The following TLE3 variants were observed in gnomAD, a reference collection of about 807,000 sequenced individuals.
TLE3 encodes the protein TLE family member 3, transcriptional corepressor, also known as transducin-like enhancer protein 3.
Under a neutral mutation model 93.0 loss-of-function variants are expected in TLE3, and 14 were observed. That is an observed-to-expected ratio of 0.15 (90% CI 0.10 to 0.24). The LOEUF (loss-of-function observed/expected upper bound fraction) is 0.24. Ranked by LOEUF, TLE3 falls within the 10% of genes least tolerant of loss-of-function variation. The pLI, the probability that TLE3 is intolerant of heterozygous loss-of-function variation, is 1.00. For synonymous variants in TLE3, 451 were observed against 425.0 expected, an observed-to-expected ratio of 1.06 and a Z score of -0.75; for missense variants, 693 against 1,046.6, an observed-to-expected ratio of 0.66 and a Z score of 4.66.
Position 70,097,035 on chromosome 15 carries a change from C to CG in TLE3, c.-238dup, listed in dbSNP as rs2058601805. The CG allele has an allele frequency of 3.5e-6, 2 of 566,616 alleles. No homozygotes were observed. Among genetic ancestry groups the CG allele is most frequent in the Non-Finnish European group, 6.1e-6 (2 of 329,628 alleles). 35.1% of individuals were successfully genotyped at this position (566,616 alleles called of 1,614,324 possible). A position where few individuals can be genotyped will look rare whatever the true frequency, so the allele number is the denominator to read the frequency against. On this transcript the variant is annotated 5_prime_UTR_variant, in exon 1 of 20. Transcript: ENST00000451782. ...GTCGGCGGGCGCCGGGGCCGGGCGG[C>CG]GGGCGCGGGCTTTGTGCGCCTAGGG...
At chr15:70,089,542 T>C (rs2058202011) in intron 4 of TLE3, among the ~76,000 whole-genome samples, 1 of 152,194 alleles carries the variant, frequency 6.6e-6, no homozygotes, top group East Asian at 1.9e-4. Context: ...GCTCAGGGAA[T>C]CGGAACTCTA....
In TLE3 at chr15:70,097,767, ACACACACACCC is replaced by A; in HGVS notation, c.-980_-970del. On this transcript the variant is annotated 5_prime_UTR_variant, in exon 1 of 20. Transcript: ENST00000451782. ...CTCCGCGCCCCGGCAAACCCCCAAAACACACACACCCAACACACACACACGCGCGCACGCAC... is the reference window on the plus strand; with the variant it reads ...CTCCGCGCCCCGGCAAACCCCCAAAAAACACACACACACGCGCGCACGCAC... The A allele has an allele frequency of 2.6e-6, 1 of 389,478 alleles. No homozygotes were observed. Among genetic ancestry groups the A allele is most frequent in the Non-Finnish European group, 4.5e-6 (1 of 220,692 alleles). The allele number at this position is 389,478 out of a possible 1,614,324, so 24.1% of individuals were successfully genotyped here. A position where few individuals can be genotyped will look rare whatever the true frequency, so the allele number is the denominator to read the frequency against.
chr15:70,061,013 A>G (rs1382837701), intron 8 of TLE3, among the ~76,000 whole-genome samples: 1 of 152,142 alleles, frequency 6.6e-6, no homozygotes, highest in African/African-American at 2.4e-5. Flanking sequence ...TGCCACACTC[A>G]TTTGCTCAAA....
At chr15:70,052,986 A>T in intron 17 of TLE3, 10 of 502,284 alleles carry the variant, frequency 2.0e-5, no homozygotes, top group South Asian at 1.5e-4. Flanking sequence ...AAAGTGCTCA[A>T]TAGCAGCAGA....
At chr15:70,084,987 G>A (rs2057976722) in intron 4 of TLE3, among the ~76,000 whole-genome samples, 1 of 152,130 alleles carries the variant, frequency 6.6e-6, no homozygotes, top group Non-Finnish European at 1.5e-5. Flanking sequence ...AGCCACCCGT[G>A]GCTAGCTAAA....
rs369978895 is a variant in TLE3, at chr15:70,049,808, G to A, written c.*289C>T. ...GAGACTCATGAGCGGGTCTGTGGGG[G>A]AACCGGAGCCATAAGCCTCCAATAA... On this transcript the variant is annotated 3_prime_UTR_variant, in exon 20 of 20. Coordinates refer to ENST00000451782, the MANE Select transcript of TLE3 (RefSeq NM_001105192.3). 8 of 324,988 alleles carry A rather than the reference G, an allele frequency of 2.5e-5. No homozygotes were observed. Among genetic ancestry groups the A allele is most frequent in the South Asian group, 2.4e-4 (6 of 24,560 alleles). 20.1% of individuals were successfully genotyped at this position (324,988 alleles called of 1,614,324 possible).
intron 8 of TLE3, 69 bp downstream of exon 8, chr15:70,064,384 TG>T: frequency 6.3e-7 from 1 of 1,598,172 alleles, no homozygotes; most frequent in Non-Finnish European, 8.6e-7. Flanking sequence ...CCCGCGATTC[TG>T]GGAGCCCCGA....
At chr15:70,093,796 C>T (rs1011000043) in intron 4 of TLE3, among the ~76,000 whole-genome samples, 3 of 152,210 alleles carry the variant, frequency 2.0e-5, no homozygotes, top group Admixed American at 1.3e-4. Flanking sequence ...ATCCATCAAA[C>T]GACACCACAC....
At chr15:70,065,912 G>C in intron 7 of TLE3, 102 bp downstream of exon 7, 2 of 1,306,444 alleles carry the variant, frequency 1.5e-6, no homozygotes, top group Non-Finnish European at 2.1e-6. Flanking sequence ...GTAACTCCTG[G>C]TCTTAGGACG....
intron 3 of TLE3, 73 bp from the exon 4 acceptor site, chr15:70,094,649 G>T: frequency 8.2e-7 from 1 of 1,217,680 alleles, no homozygotes; most frequent in Non-Finnish European, 1.1e-6. Context: ...GTTTTTTCTT[G>T]GAAAGGTTTT....
intron 8 of TLE3, among the ~76,000 whole-genome samples, chr15:70,061,113 C>T (rs1325641845): frequency 6.6e-6 from 1 of 152,010 alleles, no homozygotes; most frequent in Non-Finnish European, 1.5e-5. Context: ...TTGCTGAGCC[C>T]GACAGGAATG....
At chr15:70,084,314 A>C (rs536807666) in intron 4 of TLE3, among the ~76,000 whole-genome samples, 1 of 152,258 alleles carries the variant, frequency 6.6e-6, no homozygotes, top group African/African-American at 2.4e-5. Context: ...CAACTTGGGC[A>C]CTGATAACAA....
Position 70,058,548 on chromosome 15 carries a change from G to A in TLE3, c.918+115C>T. 1 of 1,423,078 alleles carries A rather than the reference G, an allele frequency of 7.0e-7. No homozygotes were observed. The highest frequency in any genetic ancestry group is 9.3e-7 in the Non-Finnish European group (1 of 1,073,852). 88.2% of individuals were successfully genotyped at this position (1,423,078 alleles called of 1,614,324 possible). On this transcript the variant is annotated intron_variant, in intron 11 of 19. Coordinates refer to ENST00000451782, the MANE Select transcript of TLE3 (RefSeq NM_001105192.3). The surrounding 1 kb of genome is among the most constrained non-coding windows in gnomAD (Gnocchi z 4.1). ...CCAGCAGGCACAGAAGGTAAACCGG[G>A]GCCAATCACCCACCCAGCTTCTCCC...
At chr15:70,067,351 C>G (rs1049871476) in intron 6 of TLE3, among the ~76,000 whole-genome samples, 4 of 152,200 alleles carry the variant, frequency 2.6e-5, no homozygotes, top group Non-Finnish European at 4.4e-5. Flanking sequence ...TACTGAATGC[C>G]TGAATGAATG....
intron 14 of TLE3, 110 bp downstream of exon 14, chr15:70,056,188 C>CA: frequency 4.1e-6 from 5 of 1,210,896 alleles, no homozygotes; most frequent in Non-Finnish European, 6.1e-6. Context: ...AAGGGAGGTG[C>CA]ACCAGGGCAA....
At chr15:70,051,337 CCAA>C in intron 19 of TLE3, 51 bp downstream of exon 19, 6 of 1,533,318 alleles carry the variant, frequency 3.9e-6, no homozygotes, top group Non-Finnish European at 5.3e-6. Context: ...ATCACCATCA[CCAA>C]GTTTCAACTC....
intron 4 of TLE3, among the ~76,000 whole-genome samples, chr15:70,092,693 C>T (rs1363563639): frequency 6.6e-6 from 1 of 152,210 alleles, no homozygotes; most frequent in Non-Finnish European, 1.5e-5. Flanking sequence ...TAAACCCCAC[C>T]ACCAAATGCG....
At chr15:70,052,961 G>A (rs2055682049) in intron 17 of TLE3, 1 of 437,998 alleles carries the variant, frequency 2.3e-6, no homozygotes, top group East Asian at 3.8e-5. Flanking sequence ...TCTTGTGAAT[G>A]AGGACGCCGA....
intron 16 of TLE3, 75 bp downstream of exon 16, chr15:70,054,363 C>A: frequency 1.3e-6 from 2 of 1,554,088 alleles, no homozygotes; most frequent in South Asian, 2.5e-5. Context: ...GCCAAGGTCA[C>A]AGCAAACAAG....
Sources: gnomAD v4.1 joint callset for allele counts (sites outside exome capture counted in the v4.1 genomes callset) on GRCh38, gnomAD v4.1.1 for gene constraint, Gnocchi (gnomAD v3.1) non-coding constraint, MANE v1.5 for transcripts, NCBI Gene and HGNC (gene_info 2026-07-23, HGNC 2026-07-21) for gene names.